The following SP100 variants were observed in gnomAD, a reference collection of about 807,000 sequenced individuals.
SP100 encodes SP100 nuclear body protein, also known as nuclear autoantigen Sp-100.
SP100 carries 84 observed loss-of-function variants against 130.0 expected under a neutral mutation model. The ratio of observed to expected loss-of-function variants is 0.65; its 90% CI spans 0.54 to 0.77. SP100 has a LOEUF of 0.77. Among genes scored for constraint, SP100 ranks in the 30% least tolerant of loss-of-function variants. SP100 has a pLI of 0.00. For missense variants in SP100, 978 were observed against 1,052.2 expected (o/e 0.93, Z 0.97); for synonymous variants, 331 against 351.7 (o/e 0.94, Z 0.66).
chr2:230,543,148 G>GA lies in SP100; in HGVS notation c.*203dup, dbSNP rs11368814. 343,141 of 427,274 alleles carry GA rather than the reference G, an allele frequency of 0.8. 140,612 individuals carry two copies. The highest frequency in any genetic ancestry group is 0.9 in the Middle Eastern group (2,012 of 2,230). The allele number at this position is 427,274 out of a possible 1,614,324, so 26.5% of individuals were successfully genotyped here. A position where few individuals can be genotyped will look rare whatever the true frequency, so the allele number is the denominator to read the frequency against. ...AAAAATTCTCAATAAGCTAGGTATT[G>GA]AGGAACATATCCCAAAATAATAAGA... is the stretch of plus-strand genomic sequence containing the variant. On this transcript the variant is annotated 3_prime_UTR_variant, in exon 29 of 29. Transcript: ENST00000340126.
chr2:230,506,415 C>T lies in SP100; in HGVS notation c.1983C>T (p.Cys661=), dbSNP rs779076332. ...ASKNWKLSIR[C]GGYTLKVLME... ...AGAACTGGAAGCTAAGTATACGCTG[C>T]GGTGGATATACCCTGAAAGTCCTGA... Residue 661 remains cysteine, a synonymous_variant, in exon 22 of 29, where the codon TGC becomes TGT. Coordinates refer to ENST00000340126, the MANE Select transcript of SP100 (RefSeq NM_001080391.2). 1.1e-5 allele frequency: 18 copies of T among 1,613,868 alleles called. No homozygotes were observed. Among genetic ancestry groups the T allele is most frequent in the South Asian group, 5.5e-5 (5 of 91,074 alleles).
In SP100 at chr2:230,473,316, C is replaced by A. The variant is rs1186406769; in HGVS notation, c.1430-8C>A. 1 of 1,598,736 alleles carries A rather than the reference C, an allele frequency of 6.3e-7. No homozygotes were observed. Among genetic ancestry groups the A allele is most frequent in the Non-Finnish European group, 8.6e-7 (1 of 1,166,824 alleles). ...CACAAATAAAAATGTTTACAAATCA[C>A]AATTTAGGATCACAGCCACAAGAAC... On this transcript the variant is annotated splice_polypyrimidine_tract_variant and splice_region_variant and intron_variant, in intron 15 of 28. Coordinates refer to ENST00000340126, the MANE Select transcript of SP100 (RefSeq NM_001080391.2).
chr2:230,446,543 C>T (rs2063719038), intron 4 of SP100, among the ~76,000 whole-genome samples: 1 of 152,216 alleles, frequency 6.6e-6, no homozygotes, highest in African/African-American at 2.4e-5. Context: ...CCTACCCTGC[C>T]ATCTGACAAT....
At chr2:230,472,911 C>T (rs1459103230) in intron 15 of SP100, among the ~76,000 whole-genome samples, 2 of 152,158 alleles carry the variant, frequency 1.3e-5, no homozygotes, top group Admixed American at 6.5e-5. Flanking sequence ...ACATGTGTAT[C>T]TCCAGCCAGC....
chr2:230,461,402 T>G lies in SP100; in HGVS notation c.961T>G (p.Ser321Ala). 3 of 1,614,036 alleles carry G rather than the reference T, an allele frequency of 1.9e-6. No individual in the cohort carries two copies. Among genetic ancestry groups the G allele is most frequent in the Non-Finnish European group, 2.5e-6 (3 of 1,179,918 alleles). Residue 321 changes from serine (S) to alanine (A), a missense_variant, in exon 9 of 29, where the codon TCT becomes GCT. Coordinates refer to ENST00000340126, the MANE Select transcript of SP100 (RefSeq NM_001080391.2). ...AQARTHHNQASDIIVISSEDS... is the reference protein window; with the variant it reads ...AQARTHHNQAADIIVISSEDS... Reference sequence around the variant, plus strand: ...AGCAAGAACTCATCATAACCAGGCATCTGACATAATAGGTAAGGCTGACTG... The same window carrying G: ...AGCAAGAACTCATCATAACCAGGCAGCTGACATAATAGGTAAGGCTGACTG...
chr2:230,449,041 A>C, intron 5 of SP100, 47 bp from the exon 6 acceptor site: 1 of 1,249,522 alleles, frequency 8.0e-7, no homozygotes, highest in African/African-American at 1.5e-5. Flanking sequence ...GAATGGCAAA[A>C]TCCATACCTC....
chr2:230,506,599 C>A, intron 22 of SP100, 154 bp downstream of exon 22: 1 of 679,612 alleles, frequency 1.5e-6, no homozygotes. Flanking sequence ...CTCACCTGAA[C>A]ATTACGTTGG....
At chr2:230,529,720 A>C (rs570256208) in intron 24 of SP100, among the ~76,000 whole-genome samples, 268 of 152,294 alleles carry the variant, frequency 1.8e-3, no homozygotes, top group African/African-American at 6.3e-3. Flanking sequence ...TGATAAGCAA[A>C]TTTAGCAAAG....
intron 8 of SP100, among the ~76,000 whole-genome samples, chr2:230,454,648 A>G (rs774764569): frequency 6.6e-6 from 1 of 152,194 alleles, no homozygotes. Context: ...CAGAAAGTAT[A>G]TCTGATATAA....
At chr2:230,521,830 T>A (rs1691184988) in intron 24 of SP100, among the ~76,000 whole-genome samples, 2 of 152,220 alleles carry the variant, frequency 1.3e-5, no homozygotes, top group Admixed American at 6.5e-5. Context: ...CCAAACCACA[T>A]TCCTGATTGC....
chr2:230,455,622 A>G (rs568904984), intron 8 of SP100, among the ~76,000 whole-genome samples: 1 of 152,334 alleles, frequency 6.6e-6, no homozygotes, highest in South Asian at 2.1e-4. Flanking sequence ...TACACTTAAT[A>G]TAATTACTGA....
chr2:230,428,767 A>G (rs1416975904), intron 2 of SP100, among the ~76,000 whole-genome samples: 1 of 152,150 alleles, frequency 6.6e-6, no homozygotes, highest in African/African-American at 2.4e-5. Flanking sequence ...CTTTTAAACT[A>G]GATCTCATAA....
chr2:230,492,828 T>C (rs1266388549), intron 17 of SP100, among the ~76,000 whole-genome samples: 1 of 152,258 alleles, frequency 6.6e-6, no homozygotes, highest in Non-Finnish European at 1.5e-5. Context: ...GTTTGTGTTA[T>C]TTATACCTGA....
intron 18 of SP100, 111 bp from the exon 19 acceptor site, chr2:230,498,350 T>C: frequency 2.0e-6 from 1 of 494,706 alleles, no homozygotes; most frequent in Non-Finnish European, 3.5e-6. Flanking sequence ...ATATTTTTCT[T>C]TGTGTGTTAG....
intron 11 of SP100, among the ~76,000 whole-genome samples, chr2:230,465,005 G>A (rs6436938): frequency 0.24 from 36,824 of 151,982 alleles, 5,106 homozygotes; most frequent in Middle Eastern, 0.33. Context: ...TGGGAGGCGG[G>A]GGCAGGCAGA....
At chr2:230,497,032 C>T (rs1407305863) in intron 18 of SP100, among the ~76,000 whole-genome samples, 1 of 152,172 alleles carries the variant, frequency 6.6e-6, no homozygotes, top group Non-Finnish European at 1.5e-5. Flanking sequence ...TACTCAACTT[C>T]TATAACATGG....
chr2:230,478,474 C>G (rs1341001752), intron 17 of SP100, among the ~76,000 whole-genome samples: 1 of 152,160 alleles, frequency 6.6e-6, no homozygotes, highest in Non-Finnish European at 1.5e-5. Flanking sequence ...CAGAACAAAT[C>G]AGTAACGGTT....
chr2:230,495,875 G>T (rs938164745), intron 18 of SP100, among the ~76,000 whole-genome samples: 2 of 152,042 alleles, frequency 1.3e-5, no homozygotes, highest in African/African-American at 4.8e-5. Context: ...TAGAGCTAAA[G>T]CATATTTGGA....
intron 24 of SP100, chr2:230,516,355 G>A (rs1690914821): frequency 6.5e-6 from 1 of 153,072 alleles, no homozygotes; most frequent in African/African-American, 2.4e-5. Context: ...CATGTAGAGA[G>A]AGAAAAGTAA....
Sources: allele counts gnomAD v4.1 joint callset (sites outside exome capture counted in the v4.1 genomes callset), GRCh38; gene constraint gnomAD v4.1.1; transcripts MANE v1.5; gene names NCBI Gene and HGNC (gene_info 2026-07-23, HGNC 2026-07-21).